The following PRKN variants were observed in gnomAD, a reference collection of about 807,000 sequenced individuals.
PRKN encodes E3 ubiquitin-protein ligase parkin.
A neutral mutation model predicts 59.5 loss-of-function variants in PRKN; 56 were observed. That is an observed-to-expected ratio of 0.94 (90% CI 0.76 to 1.18). PRKN has a LOEUF of 1.18. PRKN is among the 50% of genes most tolerant of loss of function. PRKN has a pLI of 0.00. For synonymous variants in PRKN, 250 were observed against 222.1 expected, an observed-to-expected ratio of 1.13 and a Z score of -1.12; for missense variants, 657 against 596.4, an observed-to-expected ratio of 1.10 and a Z score of -1.06.
chr6:162,534,674 T>C (rs1172493880), intron 1 of PRKN, among the ~76,000 whole-genome samples: 1 of 152,186 alleles, frequency 6.6e-6, no homozygotes, highest in Non-Finnish European at 1.5e-5. Context: ...CTCAGACAAC[T>C]GCACTCAAGT....
At position 161,545,338 on chromosome 6, in the gene PRKN, C is replaced by A; in HGVS notation, c.1083+3516G>T. On this transcript the variant is annotated intron_variant, in intron 9 of 11. Coordinates refer to ENST00000366898, the MANE Select transcript of PRKN (RefSeq NM_004562.3). This position sits in a 1 kb window ranked among gnomAD's most constrained non-coding sequence, Gnocchi z 4.1. Reference sequence around the variant, plus strand: ...TTTCCACATCTGGAACTCTGTAATTCTTCTATAGCTTTGCTACCAATGACT... The same window carrying A: ...TTTCCACATCTGGAACTCTGTAATTATTCTATAGCTTTGCTACCAATGACT... The A allele has an allele frequency of 6.2e-7, 1 of 1,600,954 alleles. No individual in the cohort carries two copies. Among genetic ancestry groups the A allele is most frequent in the Non-Finnish European group, 8.5e-7 (1 of 1,173,588 alleles).
At chr6:162,670,566 G>A (rs1485400013) in intron 1 of PRKN, among the ~76,000 whole-genome samples, 1 of 152,114 alleles carries the variant, frequency 6.6e-6, no homozygotes, top group Non-Finnish European at 1.5e-5. Flanking sequence ...TTTCGTAGGG[G>A]ACAAATACTT....
chr6:161,902,556 A>ATCTATTTTTT (rs1382089937), intron 6 of PRKN, among the ~76,000 whole-genome samples: 1,430 of 117,736 alleles, frequency 0.012, 185 homozygotes, highest in African/African-American at 0.02. Flanking sequence ...CTATTTATTT[A>ATCTATTTTTT]TTTATTTATT....
intron 1 of PRKN, chr6:162,727,270 G>A (rs1042839686): frequency 1.4e-5 from 3 of 218,702 alleles, no homozygotes; most frequent in South Asian, 7.2e-5. Flanking sequence ...CACCACAACC[G>A]GCCAGTGAGG....
At chr6:161,681,029 C>T (rs903141330) in intron 7 of PRKN, among the ~76,000 whole-genome samples, 1 of 152,012 alleles carries the variant, frequency 6.6e-6, no homozygotes, top group Non-Finnish European at 1.5e-5. Context: ...GGCACAGTCT[C>T]TGCTCACTGT....
chr6:162,225,421 T>A (rs778115337), intron 3 of PRKN, among the ~76,000 whole-genome samples: 1 of 152,204 alleles, frequency 6.6e-6, no homozygotes, highest in Non-Finnish European at 1.5e-5. Context: ...AAATTCAGGC[T>A]TACATGTTAT....
At chr6:162,147,699 G>T (rs1327270934) in intron 4 of PRKN, among the ~76,000 whole-genome samples, 1 of 152,196 alleles carries the variant, frequency 6.6e-6, no homozygotes, top group African/African-American at 2.4e-5. Context: ...AAAGGTAAGG[G>T]AAGGGTACTT....
chr6:161,627,464 T>TAAAA (rs1783132228), intron 7 of PRKN, among the ~76,000 whole-genome samples: 1 of 152,222 alleles, frequency 6.6e-6, no homozygotes, highest in African/African-American at 2.4e-5. Flanking sequence ...AAACAGTGTT[T>TAAAA]ACTATAAAGA....
At chr6:161,425,806 C>T (rs890741871) in intron 9 of PRKN, among the ~76,000 whole-genome samples, 13 of 152,156 alleles carry the variant, frequency 8.5e-5, no homozygotes, top group Admixed American at 2.6e-4. Flanking sequence ...ATAATATAGA[C>T]GAGACGCCTT....
At chr6:161,896,524 TATAGAGTA>T (rs1330393587) in intron 6 of PRKN, among the ~76,000 whole-genome samples, 2 of 152,102 alleles carry the variant, frequency 1.3e-5, no homozygotes, top group Admixed American at 1.3e-4. Flanking sequence ...GTCAACGCCA[TATAGAGTA>T]GAAACATCCC....
chr6:161,863,005 CTAAACA>C (rs1197239904), intron 6 of PRKN, among the ~76,000 whole-genome samples: 2 of 152,178 alleles, frequency 1.3e-5, no homozygotes, highest in African/African-American at 2.4e-5. Context: ...TGATTTTCAC[CTAAACA>C]TAAAGATCAA....
intron 6 of PRKN, among the ~76,000 whole-genome samples, chr6:161,821,437 A>G (rs1028060123): frequency 2.1e-5 from 3 of 141,710 alleles, no homozygotes; most frequent in African/African-American, 7.3e-5. Flanking sequence ...TCCCAATAAA[A>G]GGGATTTTTT....
intron 4 of PRKN, among the ~76,000 whole-genome samples, chr6:162,093,864 C>T (rs532506721): frequency 1.3e-5 from 2 of 152,250 alleles, no homozygotes; most frequent in African/African-American, 2.4e-5. Flanking sequence ...CACCTCACCT[C>T]GTGCTGAGCA....
intron 7 of PRKN, among the ~76,000 whole-genome samples, chr6:161,780,087 T>C (rs10945777): frequency 0.43 from 65,636 of 152,094 alleles, 14,896 homozygotes; most frequent in African/African-American, 0.56. Context: ...CTAAAGGTAC[T>C]TCATAAGGCA....
At chr6:161,842,906 T>C (rs906206556) in intron 6 of PRKN, among the ~76,000 whole-genome samples, 4 of 152,214 alleles carry the variant, frequency 2.6e-5, no homozygotes, top group Non-Finnish European at 5.9e-5. Flanking sequence ...TTTCAGCGGA[T>C]TGAGGCTGAA....
intron 2 of PRKN, among the ~76,000 whole-genome samples, chr6:162,299,127 C>T (rs982469116): frequency 1.4e-4 from 21 of 152,224 alleles, no homozygotes; most frequent in Admixed American, 1.2e-3. Flanking sequence ...GGAGGCAGAG[C>T]TGCTGGAACA....
At chr6:162,323,477 G>C (rs1381442975) in intron 2 of PRKN, among the ~76,000 whole-genome samples, 1 of 151,500 alleles carries the variant, frequency 6.6e-6, no homozygotes, top group Non-Finnish European at 1.5e-5. Context: ...AATATTGAGA[G>C]AATATCTTGC....
Position 161,552,655 on chromosome 6 carries a change from A to G in PRKN, c.934-3652T>C, listed in dbSNP as rs993595620. On this transcript the variant is annotated intron_variant, in intron 8 of 11. Transcript: ENST00000366898. This position sits in a 1 kb window ranked among gnomAD's most constrained non-coding sequence, Gnocchi z 4.9. ...CATAGAATAAGCTTAATACATTATAAAGTGACCAACTTTTTAAACACTACC... is the reference window on the plus strand; with the variant it reads ...CATAGAATAAGCTTAATACATTATAGAGTGACCAACTTTTTAAACACTACC... 1.3e-5 allele frequency among the ~76,000 whole-genome samples: 2 copies of G among 152,152 alleles called. No homozygotes were observed. The highest frequency in any genetic ancestry group is 2.4e-5 in the African/African-American group (1 of 41,448).
At chr6:161,605,094 G>C (rs977356204) in intron 7 of PRKN, among the ~76,000 whole-genome samples, 1 of 151,942 alleles carries the variant, frequency 6.6e-6, no homozygotes, top group Admixed American at 6.6e-5. Flanking sequence ...CTATATTTTA[G>C]AGAAACATAT....
Sources: allele counts gnomAD v4.1 joint callset (sites outside exome capture counted in the v4.1 genomes callset), GRCh38; gene constraint gnomAD v4.1.1; non-coding constraint Gnocchi (gnomAD v3.1); transcripts MANE v1.5; gene names NCBI Gene and HGNC (gene_info 2026-07-23, HGNC 2026-07-21).